Variants in KAT2B observed in about 807,000 individuals in gnomAD.
The protein encoded by KAT2B is histone acetyltransferase KAT2B.
Under a neutral mutation model 105.9 loss-of-function variants are expected in KAT2B, and 36 were observed. That is an observed-to-expected ratio of 0.34 (90% CI 0.26 to 0.45). KAT2B has a LOEUF of 0.45. KAT2B is among the 20% of genes least tolerant of loss of function. The pLI is 1.00. For missense variants in KAT2B, 820 were observed against 1,021.6 expected, an observed-to-expected ratio of 0.80 and a Z score of 2.69; for synonymous variants, 397 against 377.9, an observed-to-expected ratio of 1.05 and a Z score of -0.59.
intron 1 of KAT2B, among the ~76,000 whole-genome samples, chr3:20,049,376 A>T (rs1415024718): frequency 6.6e-6 from 1 of 152,194 alleles, no homozygotes; most frequent in Non-Finnish European, 1.5e-5. Context: ...GTCTCACGAC[A>T]TTTGATTCTT....
intron 1 of KAT2B, among the ~76,000 whole-genome samples, chr3:20,053,230 A>G (rs539685744): frequency 6.6e-6 from 1 of 152,190 alleles, no homozygotes; most frequent in East Asian, 1.9e-4. Context: ...GCAAGTTACA[A>G]TTAAATTCTT....
intron 1 of KAT2B, among the ~76,000 whole-genome samples, chr3:20,063,704 G>A (rs993134677): frequency 4.0e-5 from 6 of 151,304 alleles, no homozygotes; most frequent in East Asian, 2.0e-4. Flanking sequence ...CACCATGCCC[G>A]GTTAATTTTT....
chr3:20,054,814 A>T (rs1437291078), intron 1 of KAT2B, among the ~76,000 whole-genome samples: 1 of 152,220 alleles, frequency 6.6e-6, no homozygotes. Flanking sequence ...GTAACCCAGG[A>T]TTGGCACATA....
At chr3:20,106,780 CT>C (rs1486176734) in intron 5 of KAT2B, among the ~76,000 whole-genome samples, 2 of 150,842 alleles carry the variant, frequency 1.3e-5, no homozygotes, top group East Asian at 3.9e-4. Context: ...TAATGTCAGT[CT>C]TAGAGCCTTA....
chr3:20,110,032 A>T (rs1699091403), intron 5 of KAT2B, among the ~76,000 whole-genome samples: 1 of 152,130 alleles, frequency 6.6e-6, no homozygotes, highest in South Asian at 2.1e-4. Context: ...GCAGAATAAG[A>T]TTTAAAAAAA....
chr3:20,086,667 T>C (rs558548501), intron 2 of KAT2B, among the ~76,000 whole-genome samples: 1 of 152,278 alleles, frequency 6.6e-6, no homozygotes, highest in Non-Finnish European at 1.5e-5. Context: ...TCATCATGGG[T>C]CCATCACTCT....
rs537202813 is a variant in KAT2B, at chr3:20,106,921, T to C, written c.852-4675T>C. The stretch of plus-strand genomic sequence containing the variant: ...TTAAAAATTTTCTAGTAGCTACGTA[T>C]AAAATGAATAGATATAAGAAATTAT... On this transcript the variant is annotated intron_variant, in intron 5 of 17. Coordinates refer to ENST00000263754, the MANE Select transcript of KAT2B (RefSeq NM_003884.5). Among the ~76,000 whole-genome samples, 9 of 133,872 alleles carry C rather than the reference T, an allele frequency of 6.7e-5. No homozygotes were observed. In the South Asian group the frequency reaches 2.2e-3, roughly 32 times the overall value. The allele number at this position is 133,872 out of a possible 152,430, so 87.8% of individuals were successfully genotyped here. A position where few individuals can be genotyped will look rare whatever the true frequency, so the allele number is the denominator to read the frequency against.
At chr3:20,044,917 T>A (rs1029432726) in intron 1 of KAT2B, among the ~76,000 whole-genome samples, 7 of 152,254 alleles carry the variant, frequency 4.6e-5, no homozygotes, top group African/African-American at 1.7e-4. Flanking sequence ...TGTTAGCAGT[T>A]GTGGAATTTT....
intron 11 of KAT2B, among the ~76,000 whole-genome samples, chr3:20,136,168 A>G (rs995441140): frequency 6.6e-6 from 1 of 152,236 alleles, no homozygotes; most frequent in African/African-American, 2.4e-5. Flanking sequence ...CAGAAAATTT[A>G]TGTGAAGATA....
At chr3:20,057,120 T>A (rs1308557870) in intron 1 of KAT2B, among the ~76,000 whole-genome samples, 1 of 152,058 alleles carries the variant, frequency 6.6e-6, no homozygotes, top group African/African-American at 2.4e-5. Flanking sequence ...AAGGTATAGA[T>A]CTGACAGAGT....
Position 20,148,476 on chromosome 3 carries a change from G to A in KAT2B, c.2294G>A (p.Arg765Lys). Residue 765 changes from arginine (R) to lysine (K), a missense_variant, in exon 17 of 18, where the codon AGG (arginine) becomes AAG (lysine). Physicochemically the swap from Arg to Lys is conservative, Grantham distance 26 (BLOSUM62 2). This residue lies in a region of KAT2B where 227 missense variants were observed against 292.9 expected (regional missense o/e 0.77). Coordinates refer to ENST00000263754, the MANE Select transcript of KAT2B (RefSeq NM_003884.5). Reference sequence around the variant, plus strand: ...GCTCCAGGATATTATGAAGTTATAAGGTTCCCCATGGGTAATACCATTAAC... The same window carrying A: ...GCTCCAGGATATTATGAAGTTATAAAGTTCCCCATGGGTAATACCATTAAC... ...TEAPGYYEVI[R>K]FPMDLKTMSE... The A allele has an allele frequency of 6.3e-7, 1 of 1,597,446 alleles. No individual in the cohort carries two copies. The highest frequency in any genetic ancestry group is 8.5e-7 in the Non-Finnish European group (1 of 1,173,722).
intron 1 of KAT2B, among the ~76,000 whole-genome samples, chr3:20,062,078 A>AATATATATTATATATAAAAC (rs1559514033): frequency 3.3e-4 from 30 of 91,068 alleles, no homozygotes; most frequent in South Asian, 1.4e-3. Flanking sequence ...TAAAACATAT[A>AATATATATTATATATAAAAC]ATATATATTA....
At chr3:20,110,095 C>T (rs1176306024) in intron 5 of KAT2B, among the ~76,000 whole-genome samples, 1 of 151,992 alleles carries the variant, frequency 6.6e-6, no homozygotes, top group Non-Finnish European at 1.5e-5. Flanking sequence ...TTAAAGGGCT[C>T]AAAGTTCATT....
At chr3:20,071,504 C>T (rs994222384) in intron 1 of KAT2B, among the ~76,000 whole-genome samples, 7 of 152,280 alleles carry the variant, frequency 4.6e-5, no homozygotes, top group African/African-American at 1.4e-4. Flanking sequence ...ACCTTTCATA[C>T]GTTGAGACCT....
At chr3:20,068,969 C>T (rs2929390) in intron 1 of KAT2B, among the ~76,000 whole-genome samples, 75,981 of 151,896 alleles carry the variant, frequency 0.5, 20,191 homozygotes, top group East Asian at 0.74. Flanking sequence ...GAGAGGTTGG[C>T]CCACAATAAG....
intron 1 of KAT2B, among the ~76,000 whole-genome samples, chr3:20,049,690 C>G (rs910232115): frequency 6.6e-6 from 1 of 151,548 alleles, no homozygotes; most frequent in Non-Finnish European, 1.5e-5. Flanking sequence ...GTCCATTGAA[C>G]CTGTGCAGGC....
At position 20,077,561 on chromosome 3, in the gene KAT2B, C is replaced by T. The variant is rs187972140; in HGVS notation, c.430+5102C>T. Among the ~76,000 whole-genome samples the T allele has an allele frequency of 1.5e-3, 235 of 152,144 alleles. 2 individuals are homozygous for T. Among genetic ancestry groups the T allele is most frequent in the Non-Finnish European group, 1.1e-3 (74 of 68,010 alleles). On this transcript the variant is annotated intron_variant, in intron 2 of 17. Coordinates refer to ENST00000263754, the MANE Select transcript of KAT2B (RefSeq NM_003884.5). ...ACACAGTTTTTGAAGACATCATAAGCAAAAACAATGCAGAATGTCTCAGTA... is the reference window on the plus strand; with the variant it reads ...ACACAGTTTTTGAAGACATCATAAGTAAAAACAATGCAGAATGTCTCAGTA...
At chr3:20,055,274 G>A (rs2929400) in intron 1 of KAT2B, among the ~76,000 whole-genome samples, 9,239 of 152,172 alleles carry the variant, frequency 0.061, 320 homozygotes, top group Non-Finnish European at 0.076. Flanking sequence ...AACTTTTTCC[G>A]TTTACTCAAC....
At chr3:20,040,864 C>G in intron 1 of KAT2B, 84 bp downstream of exon 1, 3 of 1,393,306 alleles carry the variant, frequency 2.2e-6, no homozygotes, top group Non-Finnish European at 2.8e-6. Flanking sequence ...CTTCCACCTC[C>G]GCCTCCCGCC....
Sources: allele counts gnomAD v4.1 joint callset (sites outside exome capture counted in the v4.1 genomes callset), GRCh38; gene constraint gnomAD v4.1.1; regional missense constraint gnomAD v4.1.1; transcripts MANE v1.5; gene names NCBI Gene and HGNC (gene_info 2026-07-23, HGNC 2026-07-21).